CLNK: variants seen among roughly 807,000 people sequenced by gnomAD.
CLNK encodes cytokine-dependent hematopoietic cell linker.
Under a neutral mutation model 68.6 loss-of-function variants are expected in CLNK, and 74 were observed. The ratio of observed to expected loss-of-function variants is 1.08; its 90% CI spans 0.89 to 1.31. CLNK has a LOEUF of 1.31. Ranked by LOEUF, CLNK falls within the 50% of genes most tolerant of loss-of-function variation. CLNK has a pLI of 0.00. For missense variants in CLNK, 553 were observed against 515.3 expected (o/e 1.07, Z -0.71); for synonymous variants, 198 against 172.2 (o/e 1.15, Z -1.17).
intron 2 of CLNK, among the ~76,000 whole-genome samples, chr4:10,652,372 ACT>A (rs1297143903): frequency 1.0e-5 from 1 of 99,968 alleles, no homozygotes; most frequent in African/African-American, 3.9e-5. Flanking sequence ...ACAGAGCAAG[ACT>A]CTGTCTCAAA....
In CLNK at chr4:10,566,088, G is replaced by T. The variant is rs369236380; in HGVS notation, c.213C>A (p.Asp71Glu). ...ATGTCTCTTCCATCCGAAGCTCAGG[G>T]TCATCATAGTCATCATCACTGTGGC... The part of the protein sequence containing the change: ...AKGHSDDDYD[D>E]PELRMEETWQ... Residue 71 changes from aspartate (D) to glutamate (E), a missense_variant, in exon 6 of 19, where the codon GAC becomes GAA. By Grantham distance (45) the Asp-to-Glu change is conservative. Transcript: ENST00000226951. 1.2e-5 allele frequency: 20 copies of T among 1,613,764 alleles called. No homozygotes were observed. The highest frequency in any genetic ancestry group is 1.7e-5 in the Admixed American group (1 of 59,994).
intron 1 of CLNK, among the ~76,000 whole-genome samples, chr4:10,679,125 G>C (rs1019122215): frequency 2.9e-4 from 44 of 152,258 alleles, no homozygotes; most frequent in Middle Eastern, 3.4e-3. Context: ...ATACTACAAG[G>C]CTGCAGCAAC....
Position 10,564,760 on chromosome 4 carries a change from C to A in CLNK, c.310G>T (p.Val104Phe), listed in dbSNP as rs370561713. Residue 104 changes from valine to phenylalanine, a missense_variant, in exon 7 of 19, where the codon GTT becomes TTT. Transcript: ENST00000226951. ...AACGGAAGGGGAGTGTCCATTGCAA[C>A]CTTGAAATAGTGTGTATCTATGCAA... ...SEYADTHYFKVAMDTPLPLDT... is the reference protein window; with the variant it reads ...SEYADTHYFKFAMDTPLPLDT... 1.2e-5 allele frequency: 20 copies of A among 1,610,428 alleles called. No homozygotes were observed. In the African/African-American group the frequency reaches 2.5e-4, roughly 20 times the overall value.
At chr4:10,601,620 T>C (rs554871740) in intron 2 of CLNK, among the ~76,000 whole-genome samples, 1 of 152,208 alleles carries the variant, frequency 6.6e-6, no homozygotes, top group Non-Finnish European at 1.5e-5. Context: ...TTGTTTTGCA[T>C]TGAATTGAGA....
In CLNK at chr4:10,513,992, A is replaced by G. The variant is rs542701214; in HGVS notation, c.773-395T>C. 7.0e-3 allele frequency among the ~76,000 whole-genome samples: 856 copies of G among 121,584 alleles called. 6 individuals carry two copies. The highest frequency in any genetic ancestry group is 0.026 in the South Asian group (82 of 3,140). The allele number at this position is 121,584 out of a possible 152,430, so 79.8% of individuals were successfully genotyped here. Reference sequence around the variant, plus strand: ...CATCTAGCATTAGGTATATCTCCCAATGCTATCCCTCCCCCCTCCCCCCTC... The same window carrying G: ...CATCTAGCATTAGGTATATCTCCCAGTGCTATCCCTCCCCCCTCCCCCCTC... On this transcript the variant is annotated intron_variant, in intron 15 of 18. Transcript: ENST00000226951.
At chr4:10,569,891 A>T (rs1162285793) in intron 5 of CLNK, among the ~76,000 whole-genome samples, 1 of 152,192 alleles carries the variant, frequency 6.6e-6, no homozygotes, top group African/African-American at 2.4e-5. Flanking sequence ...TTTGGTATCT[A>T]TTCCACAGCA....
chr4:10,591,053 C>T (rs7657440), intron 3 of CLNK, among the ~76,000 whole-genome samples: 110,993 of 151,976 alleles, frequency 0.73, 41,356 homozygotes, highest in East Asian at 0.91. Context: ...AGCGTTTGCA[C>T]CATGGAGCTG....
At chr4:10,679,243 C>A (rs1465756258) in intron 1 of CLNK, among the ~76,000 whole-genome samples, 1 of 152,104 alleles carries the variant, frequency 6.6e-6, no homozygotes, top group East Asian at 1.9e-4. Flanking sequence ...TTTGACAAAC[C>A]TGACAAAAAC....
the CLNK span, among the ~76,000 whole-genome samples, chr4:10,708,879 A>G: frequency 6.6e-6 from 1 of 152,212 alleles, no homozygotes; most frequent in African/African-American, 2.4e-5. Context: ...ATCAGGATTC[A>G]GTTTGTGACT....
At chr4:10,705,253 G>A in the CLNK span, among the ~76,000 whole-genome samples, 8 of 152,256 alleles carry the variant, frequency 5.3e-5, 1 homozygote, top group East Asian at 1.9e-4. Flanking sequence ...CAAAATACAC[G>A]TTTATGCTGT....
chr4:10,687,151 C>T (rs1427463652), upstream of CLNK, among the ~76,000 whole-genome samples: 1 of 151,106 alleles, frequency 6.6e-6, no homozygotes, highest in Non-Finnish European at 1.5e-5. Context: ...TAGATATTTA[C>T]ATCCTCTACC....
At chr4:10,727,788 G>A in the CLNK span, among the ~76,000 whole-genome samples, 1 of 152,212 alleles carries the variant, frequency 6.6e-6, no homozygotes, top group Non-Finnish European at 1.5e-5. Context: ...AGGCAGCAGA[G>A]AGAAGAAATA....
At position 10,533,612 on chromosome 4, in the gene CLNK, C is replaced by T. The variant is rs79002847; in HGVS notation, c.603-1329G>A. Among the ~76,000 whole-genome samples the T allele has an allele frequency of 2.2e-3, 338 of 152,266 alleles. 1 individual carries two copies. Among genetic ancestry groups the T allele is most frequent in the African/African-American group, 7.1e-3 (294 of 41,560 alleles). ...CTCTTACATCTTACCCCCTGCCTCC[C>T]GCTTTTAGTTGGAAACCTGAGAAGA... On this transcript the variant is annotated intron_variant, in intron 11 of 18. Transcript: ENST00000226951.
At chr4:10,650,188 A>G (rs1262239348) in intron 2 of CLNK, among the ~76,000 whole-genome samples, 1 of 152,206 alleles carries the variant, frequency 6.6e-6, no homozygotes, top group East Asian at 1.9e-4. Flanking sequence ...GTAAATCCTT[A>G]AAATGCATCA....
the CLNK span, among the ~76,000 whole-genome samples, chr4:10,699,931 T>C: frequency 6.6e-6 from 1 of 152,100 alleles, no homozygotes; most frequent in Non-Finnish European, 1.5e-5. Context: ...GTTGTACTGT[T>C]ATTTTCCTCT....
chr4:10,726,978 A>T, the CLNK span, among the ~76,000 whole-genome samples: 1 of 152,200 alleles, frequency 6.6e-6, no homozygotes, highest in Non-Finnish European at 1.5e-5. Context: ...AAAATGCAAT[A>T]GGTATCTTTT....
At chr4:10,543,415 C>T (rs1719112883) in intron 8 of CLNK, among the ~76,000 whole-genome samples, 2 of 152,326 alleles carry the variant, frequency 1.3e-5, no homozygotes, top group South Asian at 2.1e-4. Flanking sequence ...GGTGGCTTCA[C>T]ACTGAGCATC....
chr4:10,579,425 AT>A (rs2108833428), intron 4 of CLNK, among the ~76,000 whole-genome samples: 1 of 152,342 alleles, frequency 6.6e-6, no homozygotes, highest in African/African-American at 2.4e-5. Flanking sequence ...ATAGAAAAAA[AT>A]ATATACATAT....
intron 14 of CLNK, among the ~76,000 whole-genome samples, chr4:10,523,674 G>T (rs780490356): frequency 2.6e-5 from 4 of 152,144 alleles, no homozygotes; most frequent in African/African-American, 4.8e-5. Flanking sequence ...CAACTGGAGA[G>T]CTTGTTATTT....
Sources: gnomAD v4.1 joint callset for allele counts (sites outside exome capture counted in the v4.1 genomes callset) on GRCh38, gnomAD v4.1.1 for gene constraint, MANE v1.5 for transcripts, NCBI Gene and HGNC (gene_info 2026-07-23, HGNC 2026-07-21) for gene names.